The following ROBO1 variants were observed in gnomAD, a reference collection of about 807,000 sequenced individuals.
The protein encoded by ROBO1 is roundabout homolog 1.
In ROBO1, 149 loss-of-function variants were observed where a neutral mutation model predicts 195.9. That is an observed-to-expected ratio of 0.76 (90% CI 0.67 to 0.87). The LOEUF is 0.87. Ranked by LOEUF, ROBO1 falls within the 40% of genes least tolerant of loss-of-function variation. The pLI is 0.00. For missense variants in ROBO1, 1,933 were observed against 2,068.3 expected (o/e 0.93, Z 1.27); for synonymous variants, 816 against 733.2 (o/e 1.11, Z -1.82).
chr3:78,614,542 A>T, intron 28 of ROBO1, 106 bp downstream of exon 28: 1 of 1,255,670 alleles, frequency 8.0e-7, no homozygotes, highest in East Asian at 2.5e-5. Context: ...TTGTTAATAA[A>T]TTTTTAATGT....
intron 29 of ROBO1, among the ~76,000 whole-genome samples, 200 bp downstream of exon 29, chr3:78,606,533 G>A (rs1339038475): frequency 2.0e-5 from 3 of 151,986 alleles, no homozygotes; most frequent in Non-Finnish European, 4.4e-5. Context: ...AACTCAGTTG[G>A]CACCTCTCCA....
chr3:79,762,609 A>AACAC (rs60977072), intron 1 of ROBO1, among the ~76,000 whole-genome samples: 5,207 of 146,704 alleles, frequency 0.035, 87 homozygotes, highest in Non-Finnish European at 0.046. Context: ...ATTCTGGACA[A>AACAC]ACACACACAC....
chr3:79,560,535 T>TA lies in ROBO1; in HGVS notation c.88+29288_88+29289insT, dbSNP rs908734216. Among the ~76,000 whole-genome samples, 321 of 115,218 alleles carry TA rather than the reference T, an allele frequency of 2.8e-3. 3 individuals carry two copies. The highest frequency in any genetic ancestry group is 0.012 in the African/African-American group (307 of 25,418). 75.6% of individuals were successfully genotyped at this position (115,218 alleles called of 152,430 possible). A position where few individuals can be genotyped will look rare whatever the true frequency, so the allele number is the denominator to read the frequency against. ...AAAACTTAAAGTATAATAATAATAA[T>TA]TATATATATATATATATATATATAC... On this transcript the variant is annotated intron_variant, in intron 2 of 30. Transcript: ENST00000464233.
intron 3 of ROBO1, among the ~76,000 whole-genome samples, chr3:79,006,717 T>C (rs6788693): frequency 0.98 from 145,343 of 148,564 alleles, 71,139 homozygotes; most frequent in East Asian, 1. Context: ...TATACAGACC[T>C]TGTATAGGCA....
chr3:78,671,219 T>C (rs913859762), intron 10 of ROBO1, among the ~76,000 whole-genome samples: 2 of 152,068 alleles, frequency 1.3e-5, no homozygotes, highest in Non-Finnish European at 2.9e-5. Context: ...ATAGAACAAC[T>C]GTGTTGGAAC....
rs1332898492 is a variant in ROBO1 at position 79,125,436 on chromosome 3, T to C, written c.172+20A>G. 2 of 1,605,108 alleles carry C rather than the reference T, an allele frequency of 1.2e-6. No individual in the cohort carries two copies. Among genetic ancestry groups the C allele is most frequent in the African/African-American group, 1.3e-5 (1 of 74,882 alleles). On this transcript the variant is annotated intron_variant, in intron 3 of 30. Transcript: ENST00000464233. ...AGGCATTTCAGGAGGAAGTTAGTAT[T>C]TGGGAAAGAGACACTCTACCTGTAT...
chr3:79,236,355 T>A (rs2082406703), intron 2 of ROBO1, among the ~76,000 whole-genome samples: 1 of 152,252 alleles, frequency 6.6e-6, no homozygotes, highest in African/African-American at 2.4e-5. Context: ...TCATGTTCAA[T>A]GTGTGCCAAT....
rs79997399 is a variant in ROBO1 at position 79,423,744 on chromosome 3, C to T, written c.88+166080G>A. ...AAGATTCAGTATTCAGCATTACTGA[C>T]GACAAATATAAAGTGTAGTTTTTGC... is the stretch of plus-strand genomic sequence containing the variant. On this transcript the variant is annotated intron_variant, in intron 2 of 30. Transcript: ENST00000464233. 2.7e-3 allele frequency among the ~76,000 whole-genome samples: 418 copies of T among 152,080 alleles called. 2 individuals are homozygous for T. Among genetic ancestry groups the T allele is most frequent in the African/African-American group, 8.7e-3 (362 of 41,506 alleles).
At chr3:78,951,896 C>G (rs2040811595) in intron 3 of ROBO1, among the ~76,000 whole-genome samples, 2 of 151,994 alleles carry the variant, frequency 1.3e-5, no homozygotes, top group South Asian at 4.1e-4. Flanking sequence ...TACACAAACA[C>G]AGAAAGTAAC....
intron 2 of ROBO1, among the ~76,000 whole-genome samples, chr3:79,263,420 A>C (rs1269807396): frequency 6.6e-6 from 1 of 152,070 alleles, no homozygotes; most frequent in African/African-American, 2.4e-5. Flanking sequence ...AGTCCAAGGC[A>C]GGAAAACAGC....
chr3:79,437,878 T>C (rs1335441816), intron 2 of ROBO1, among the ~76,000 whole-genome samples: 1 of 151,982 alleles, frequency 6.6e-6, no homozygotes, highest in Non-Finnish European at 1.5e-5. Context: ...TTTGTCTACT[T>C]TCCTATATAG....
chr3:79,401,335 T>G (rs1479318544), intron 2 of ROBO1, among the ~76,000 whole-genome samples: 1 of 151,894 alleles, frequency 6.6e-6, no homozygotes, highest in Non-Finnish European at 1.5e-5. Context: ...AGCTAAAATT[T>G]AAAGGCCAAA....
chr3:78,624,103 TAAC>T (rs1252681447), intron 26 of ROBO1, among the ~76,000 whole-genome samples: 11 of 152,234 alleles, frequency 7.2e-5, no homozygotes, highest in Non-Finnish European at 1.0e-4. Flanking sequence ...AATAAAAAGA[TAAC>T]AACGTGAAAA....
At chr3:79,491,225 T>TC (rs1939438686) in intron 2 of ROBO1, among the ~76,000 whole-genome samples, 1 of 61,954 alleles carries the variant, frequency 1.6e-5, no homozygotes, top group Admixed American at 1.2e-4. Flanking sequence ...ATCGGCTCTT[T>TC]TTTTTTTTTT....
intron 2 of ROBO1, among the ~76,000 whole-genome samples, chr3:79,531,116 T>C (rs980490983): frequency 2.0e-5 from 3 of 152,164 alleles, no homozygotes; most frequent in African/African-American, 7.2e-5. Flanking sequence ...TTCACCTGCA[T>C]ATCACCTGAC....
At chr3:79,498,097 A>G (rs1184289811) in intron 2 of ROBO1, among the ~76,000 whole-genome samples, 1 of 152,242 alleles carries the variant, frequency 6.6e-6, no homozygotes, top group Non-Finnish European at 1.5e-5. Flanking sequence ...ATGAAAAACG[A>G]TAATTTGAAA....
At chr3:79,564,932 C>T (rs1056223871) in intron 2 of ROBO1, among the ~76,000 whole-genome samples, 1 of 152,060 alleles carries the variant, frequency 6.6e-6, no homozygotes, top group Non-Finnish European at 1.5e-5. Context: ...TATATGCTCA[C>T]TTCAAGTATT....
intron 4 of ROBO1, among the ~76,000 whole-genome samples, chr3:78,846,569 T>C (rs1010831579): frequency 1.3e-5 from 2 of 152,156 alleles, no homozygotes; most frequent in Admixed American, 6.6e-5. Flanking sequence ...AATATCACTT[T>C]ATAAATAGAA....
intron 26 of ROBO1, among the ~76,000 whole-genome samples, chr3:78,624,330 A>C (rs1211898900): frequency 1.3e-5 from 2 of 152,174 alleles, no homozygotes. Flanking sequence ...ATATACATTA[A>C]TCATAAAAAA....
Sources: allele counts gnomAD v4.1 joint callset (sites outside exome capture counted in the v4.1 genomes callset), GRCh38; gene constraint gnomAD v4.1.1; transcripts MANE v1.5; gene names NCBI Gene and HGNC (gene_info 2026-07-23, HGNC 2026-07-21).